The following MAML3 variants were observed in gnomAD, a reference collection of about 807,000 sequenced individuals.
MAML3 encodes the protein mastermind like transcriptional coactivator 3, also known as mastermind-like protein 3.
MAML3 carries 27 observed loss-of-function variants against 101.9 expected under a neutral mutation model. The observed-to-expected ratio is 0.27, with a 90% CI of 0.20 to 0.37. The LOEUF (loss-of-function observed/expected upper bound fraction) is 0.37, where lower values mean the gene tolerates loss of function less well. Ranked by LOEUF, MAML3 falls within the 10% of genes least tolerant of loss-of-function variation. MAML3 has a pLI of 1.00. For missense variants in MAML3, 1,316 were observed against 1,444.9 expected (o/e 0.91, Z 1.45); for synonymous variants, 501 against 555.9 (o/e 0.90, Z 1.39).
At chr4:139,757,974 C>A (rs191760157) in intron 2 of MAML3, among the ~76,000 whole-genome samples, 1 of 152,288 alleles carries the variant, frequency 6.6e-6, no homozygotes, top group Non-Finnish European at 1.5e-5. Context: ...CCTCCACTAG[C>A]CTTCTCATTG....
At chr4:139,791,481 A>G (rs1415624556) in intron 2 of MAML3, among the ~76,000 whole-genome samples, 2 of 138,472 alleles carry the variant, frequency 1.4e-5, no homozygotes, top group Middle Eastern at 6.9e-3. Context: ...CCAGCCCAGG[A>G]GACAGAGTGA....
intron 2 of MAML3, 49 bp downstream of exon 2, chr4:139,889,308 G>C: frequency 6.2e-7 from 1 of 1,613,628 alleles, no homozygotes; most frequent in Non-Finnish European, 8.5e-7. Flanking sequence ...TCGACAGTCT[G>C]AAATGCACCA....
At chr4:139,832,604 A>T (rs10018075) in intron 2 of MAML3, among the ~76,000 whole-genome samples, 16,638 of 152,096 alleles carry the variant, frequency 0.11, 2,116 homozygotes, top group African/African-American at 0.31. Flanking sequence ...ACCTTGTGTT[A>T]CCCACACTTT....
At chr4:140,056,045 A>G (rs1727344009) in intron 1 of MAML3, among the ~76,000 whole-genome samples, 1 of 152,222 alleles carries the variant, frequency 6.6e-6, no homozygotes, top group South Asian at 2.1e-4. Flanking sequence ...GGTGTGTGGC[A>G]TTAGAAGTAA....
intron 1 of MAML3, among the ~76,000 whole-genome samples, chr4:139,975,776 A>G (rs1734328616): frequency 6.6e-6 from 1 of 152,202 alleles, no homozygotes. Context: ...GAGGGCCTAG[A>G]GGTTATGAAA....
At chr4:139,744,211 TA>T (rs1729253409) in intron 2 of MAML3, among the ~76,000 whole-genome samples, 1 of 152,222 alleles carries the variant, frequency 6.6e-6, no homozygotes, top group African/African-American at 2.4e-5. Context: ...GCTGACCTAA[TA>T]GAGGTTCAGG....
chr4:140,064,682 TA>T (rs780381421), intron 1 of MAML3, among the ~76,000 whole-genome samples: 13 of 152,186 alleles, frequency 8.5e-5, no homozygotes, highest in Non-Finnish European at 1.9e-4. Flanking sequence ...TGGAAGCCAA[TA>T]TTTAACAGTA....
chr4:140,068,201 G>A (rs1727572325), intron 1 of MAML3, among the ~76,000 whole-genome samples: 1 of 152,124 alleles, frequency 6.6e-6, no homozygotes, highest in East Asian at 1.9e-4. Context: ...TGGGAAGAGT[G>A]TCAACTAGTT....
At chr4:139,853,822 T>G (rs1326068984) in intron 2 of MAML3, among the ~76,000 whole-genome samples, 1 of 151,902 alleles carries the variant, frequency 6.6e-6, no homozygotes, top group African/African-American at 2.4e-5. Flanking sequence ...TTTTTTATTT[T>G]ATTTTTATTT....
At chr4:139,915,054 T>A (rs1488529870) in intron 1 of MAML3, among the ~76,000 whole-genome samples, 1 of 152,194 alleles carries the variant, frequency 6.6e-6, no homozygotes, top group African/African-American at 2.4e-5. Context: ...TTACCTTAAG[T>A]CAACCGGGAG....
At chr4:140,121,135 C>T (rs1053024120) in intron 1 of MAML3, among the ~76,000 whole-genome samples, 2 of 152,186 alleles carry the variant, frequency 1.3e-5, no homozygotes, top group Non-Finnish European at 2.9e-5. Flanking sequence ...TGAACTCAGG[C>T]TCAATTTCTT....
chr4:139,769,477 G>A (rs1048148206), intron 2 of MAML3, among the ~76,000 whole-genome samples: 14 of 152,124 alleles, frequency 9.2e-5, no homozygotes, highest in African/African-American at 3.4e-4. Flanking sequence ...CTTTCCTAGG[G>A]AAACTATTTT....
At chr4:139,855,546 C>T (rs1220873659) in intron 2 of MAML3, among the ~76,000 whole-genome samples, 1 of 152,196 alleles carries the variant, frequency 6.6e-6, no homozygotes, top group Non-Finnish European at 1.5e-5. Context: ...ATTTCCAAAG[C>T]ATTTCAGTTT....
rs550047958 is a variant in MAML3 at position 139,929,712 on chromosome 4, G to A, written c.469-38745C>T. 4.6e-5 allele frequency among the ~76,000 whole-genome samples: 7 copies of A among 152,332 alleles called. No individual in the cohort carries two copies. In the South Asian group the frequency reaches 1.2e-3, roughly 27 times the overall value. On this transcript the variant is annotated intron_variant, in intron 1 of 4. Transcript: ENST00000509479. The stretch of plus-strand genomic sequence containing the variant: ...AAGCAATGGCGAGTCAGCTGCTGTC[G>A]TGCCACAGTCTCTGTTTATTATGTT...
chr4:140,001,205 T>C (rs1734918564), intron 1 of MAML3, among the ~76,000 whole-genome samples: 1 of 152,206 alleles, frequency 6.6e-6, no homozygotes, highest in African/African-American at 2.4e-5. Context: ...GTTTTCTCCA[T>C]GAGCAGTTGC....
intron 2 of MAML3, among the ~76,000 whole-genome samples, chr4:139,817,551 A>G (rs561738212): frequency 6.6e-6 from 1 of 151,060 alleles, no homozygotes; most frequent in African/African-American, 2.4e-5. Context: ...CATATATATC[A>G]CCTCCCTCTG....
intron 1 of MAML3, among the ~76,000 whole-genome samples, chr4:139,987,026 C>T (rs1734551691): frequency 6.6e-6 from 1 of 152,198 alleles, no homozygotes. Context: ...AACCTGAGGG[C>T]TGCCGACCTG....
At chr4:140,119,232 A>G (rs931490174) in intron 1 of MAML3, among the ~76,000 whole-genome samples, 2 of 152,116 alleles carry the variant, frequency 1.3e-5, no homozygotes, top group Admixed American at 1.3e-4. Flanking sequence ...CTTCCTAGAG[A>G]CCACTTTAAA....
At chr4:140,123,415 C>T (rs1728639712) in intron 1 of MAML3, among the ~76,000 whole-genome samples, 1 of 151,218 alleles carries the variant, frequency 6.6e-6, no homozygotes. Context: ...ATTGTGAGTA[C>T]TTTTTTTTTA....
Sources: gnomAD v4.1 joint callset for allele counts (sites outside exome capture counted in the v4.1 genomes callset) on GRCh38, gnomAD v4.1.1 for gene constraint, MANE v1.5 for transcripts, NCBI Gene and HGNC (gene_info 2026-07-23, HGNC 2026-07-21) for gene names.